Variants in RUFY4 observed in about 807,000 individuals in gnomAD.
The protein encoded by RUFY4 is RUN and FYVE domain containing 4, also known as RUN and FYVE domain-containing protein 4.
RUFY4 carries 73 observed loss-of-function variants against 69.0 expected under a neutral mutation model. The ratio of observed to expected loss-of-function variants is 1.06; its 90% CI spans 0.88 to 1.29. The LOEUF (loss-of-function observed/expected upper bound fraction) is 1.29, where lower values mean the gene tolerates loss of function less well. Among genes scored for constraint, RUFY4 ranks in the 50% most tolerant of loss-of-function variants. RUFY4 has a pLI of 0.00. For missense variants in RUFY4, 770 were observed against 705.6 expected (o/e 1.09, Z -1.03); for synonymous variants, 287 against 271.8 (o/e 1.06, Z -0.55).
intron 6 of RUFY4, among the ~76,000 whole-genome samples, chr2:218,074,731 A>T (rs1050245617): frequency 2.0e-5 from 3 of 152,158 alleles, no homozygotes; most frequent in Admixed American, 6.5e-5. Context: ...CATTTTGCAG[A>T]TGAAAAAACT....
At chr2:218,071,759 CCA>C (rs1476034275) in intron 2 of RUFY4, among the ~76,000 whole-genome samples, 2 of 152,174 alleles carry the variant, frequency 1.3e-5, no homozygotes, top group African/African-American at 4.8e-5. Flanking sequence ...TTTATCAGGG[CCA>C]CAGTGTCCCT....
chr2:218,088,490 G>A (rs377443709), intron 9 of RUFY4, among the ~76,000 whole-genome samples: 12 of 151,712 alleles, frequency 7.9e-5, no homozygotes, highest in African/African-American at 2.7e-4. Flanking sequence ...AAAGAAAAAA[G>A]CAGTGAAATT....
At chr2:218,047,991 G>T (rs1313356814) in intron 2 of RUFY4, among the ~76,000 whole-genome samples, 1 of 152,120 alleles carries the variant, frequency 6.6e-6, no homozygotes, top group East Asian at 1.9e-4. Context: ...TCTATAGTAT[G>T]AGCATTTATA....
At chr2:218,079,252 C>T (rs912639281) in intron 8 of RUFY4, among the ~76,000 whole-genome samples, 15 of 152,198 alleles carry the variant, frequency 9.9e-5, no homozygotes, top group Admixed American at 3.9e-4. Context: ...CCCTGCCATG[C>T]AGGGGAGAGT....
At chr2:218,043,477 T>C (rs1559420154) in intron 2 of RUFY4, among the ~76,000 whole-genome samples, 1 of 151,770 alleles carries the variant, frequency 6.6e-6, no homozygotes, top group East Asian at 1.9e-4. Context: ...CCAACATCTG[T>C]TCAGCTCTCA....
chr2:218,056,231 T>TG (rs1476203074), intron 2 of RUFY4, among the ~76,000 whole-genome samples: 4 of 137,284 alleles, frequency 2.9e-5, no homozygotes, highest in African/African-American at 6.3e-5. Context: ...TGGTTGTTGT[T>TG]TTTTTTTTTT....
intron 3 of RUFY4, chr2:218,059,748 C>T (rs1689140491): frequency 6.0e-6 from 1 of 166,482 alleles, no homozygotes; most frequent in South Asian, 2.1e-4. Flanking sequence ...GTTGTTTCTG[C>T]CTTTTGGGTC....
At position 218,073,372 on chromosome 2, in the gene RUFY4, G is replaced by A. The variant is rs759180219; in HGVS notation, c.516G>A (p.Trp172Ter). 2.8e-5 allele frequency: 44 copies of A among 1,592,944 alleles called. No individual in the cohort carries two copies. Among genetic ancestry groups the A allele is most frequent in the Non-Finnish European group, 3.8e-5 (44 of 1,169,596 alleles). ...AGCAGCCAGACCTGGATGGAGCCTG[G>A]CCCATGTTCTCAGAGTGAGTGGGTG... Residue 172 changes from tryptophan to a stop codon, truncating the protein, a stop_gained, in exon 5 of 11, where the codon TGG becomes TGA. Coordinates refer to ENST00000344321, the Ensembl canonical transcript of RUFY4. LOFTEE classifies it high-confidence loss of function.
At chr2:218,041,159 A>G (rs757104283) in intron 2 of RUFY4, among the ~76,000 whole-genome samples, 7 of 152,088 alleles carry the variant, frequency 4.6e-5, no homozygotes, top group Non-Finnish European at 7.4e-5. Flanking sequence ...ATTCACATTC[A>G]TTGGATAATC....
chr2:218,088,204 G>A (rs1689937796), intron 9 of RUFY4, among the ~76,000 whole-genome samples: 1 of 151,994 alleles, frequency 6.6e-6, no homozygotes, highest in South Asian at 2.1e-4. Context: ...CTTACAAGAG[G>A]GAGTGAAGGT....
chr2:218,069,356 G>A (rs971810231), upstream of RUFY4: 1 of 152,238 alleles, frequency 6.6e-6, no homozygotes, highest in Non-Finnish European at 1.5e-5. Context: ...TGGGTGAGTA[G>A]CAGGGAGACC....
intron 9 of RUFY4, among the ~76,000 whole-genome samples, 186 bp from the exon 12 acceptor site, chr2:218,089,066 T>G (rs565391392): frequency 6.6e-6 from 1 of 152,262 alleles, no homozygotes; most frequent in Non-Finnish European, 1.5e-5. Flanking sequence ...TTTCTGTCCC[T>G]GTCTCTGAAT....
At chr2:218,055,429 C>G (rs1218937688) in intron 2 of RUFY4, among the ~76,000 whole-genome samples, 1 of 151,954 alleles carries the variant, frequency 6.6e-6, no homozygotes, top group East Asian at 1.9e-4. Flanking sequence ...AAGATGCAAT[C>G]ACTGTTTTTA....
chr2:218,047,402 A>AT (rs932640873), intron 2 of RUFY4, among the ~76,000 whole-genome samples: 21 of 150,890 alleles, frequency 1.4e-4, no homozygotes, highest in Admixed American at 2.6e-4. Flanking sequence ...GTATCTATTC[A>AT]TTTTTTTTTG....
At chr2:218,088,823 C>T (rs1689955961) in intron 9 of RUFY4, among the ~76,000 whole-genome samples, 1 of 151,970 alleles carries the variant, frequency 6.6e-6, no homozygotes, top group Non-Finnish European at 1.5e-5. Context: ...TGTGTCTTCT[C>T]CTCTGTCTCC....
At chr2:218,038,425 GCA>G (rs750436021) in intron 2 of RUFY4, among the ~76,000 whole-genome samples, 4 of 152,198 alleles carry the variant, frequency 2.6e-5, no homozygotes, top group Non-Finnish European at 5.9e-5. Flanking sequence ...CAGTAAAAAT[GCA>G]CAGTTTTGGG....
chr2:218,086,834 G>C (rs148528384), intron 9 of RUFY4, among the ~76,000 whole-genome samples: 2 of 152,220 alleles, frequency 1.3e-5, no homozygotes, highest in African/African-American at 4.8e-5. Context: ...TGTAGCAGAA[G>C]GACCAAGGAC....
At chr2:218,060,095 C>T (rs1324017110) in intron 3 of RUFY4, 4 of 345,172 alleles carry the variant, frequency 1.2e-5, no homozygotes, top group Non-Finnish European at 5.5e-6. Context: ...GCCATGAGCT[C>T]AAGGGCAGGA....
chr2:218,070,829 ACT>A lies in RUFY4; in HGVS notation c.126_127del (p.Cys43TrpfsTer10). On this transcript the variant is annotated frameshift_variant, in exon 2 of 11. Transcript: ENST00000344321. LOFTEE classifies it high-confidence loss of function. ...CGGACACCAGTGCCGAGCTGCACAG[ACT>A]CTGTGGCTGCCTGGAGCTGCTGCTG... is the stretch of plus-strand genomic sequence containing the variant. 1 of 1,536,674 alleles carries A rather than the reference ACT, an allele frequency of 6.5e-7. No individual in the cohort carries two copies. The highest frequency in any genetic ancestry group is 1.2e-5 in the South Asian group (1 of 84,020).
Sources: gnomAD v4.1 joint callset for allele counts (sites outside exome capture counted in the v4.1 genomes callset) on GRCh38, gnomAD v4.1.1 for gene constraint, MANE v1.5 for transcripts, NCBI Gene and HGNC (gene_info 2026-07-23, HGNC 2026-07-21) for gene names.